The following TDRD12 variants were observed in gnomAD, a reference collection of about 807,000 sequenced individuals.
The protein encoded by TDRD12 is tudor domain containing 12.
TDRD12 carries 158 observed loss-of-function variants against 133.5 expected under a neutral mutation model. The ratio of observed to expected loss-of-function variants is 1.18; its 90% CI spans 1.04 to 1.35. The LOEUF (loss-of-function observed/expected upper bound fraction) is 1.35. Ranked by LOEUF, TDRD12 falls within the 40% of genes most tolerant of loss-of-function variation. The probability of loss-of-function intolerance (pLI) is 0.00; values close to 1 mark genes in which losing one functional copy is unlikely to be tolerated. For synonymous variants in TDRD12, 460 were observed against 477.9 expected (o/e 0.96, Z 0.49); for missense variants, 1,443 against 1,321.3 (o/e 1.09, Z -1.43).
chr19:32,721,780 T>C (rs1968686512), intron 1 of TDRD12, among the ~76,000 whole-genome samples: 1 of 150,960 alleles, frequency 6.6e-6, no homozygotes, highest in Admixed American at 6.6e-5. Context: ...CGATCTCAGC[T>C]CGCTGCAAGC....
At chr19:32,729,557 A>G (rs1335314344) in intron 1 of TDRD12, among the ~76,000 whole-genome samples, 1 of 151,178 alleles carries the variant, frequency 6.6e-6, no homozygotes, top group Admixed American at 6.6e-5. Context: ...CGTTTTCCAC[A>G]GCTTGTGTGT....
exon 2 of TDRD12, chr19:32,731,733 T>A: frequency 6.5e-7 from 1 of 1,535,586 alleles, no homozygotes; most frequent in Non-Finnish European, 8.8e-7. Context: ...AGATTGAAGA[T>A]CCAGGTTGCT....
intron 24 of TDRD12, among the ~76,000 whole-genome samples, chr19:32,812,848 A>G (rs12980801): frequency 0.17 from 25,501 of 152,130 alleles, 2,175 homozygotes; most frequent in East Asian, 0.28. Flanking sequence ...TTGCTTAGAC[A>G]GGTCCTGCCT....
intron 2 of TDRD12, among the ~76,000 whole-genome samples, chr19:32,733,179 AT>A (rs1456014062): frequency 6.6e-6 from 1 of 152,090 alleles, no homozygotes; most frequent in Non-Finnish European, 1.5e-5. Context: ...CTTAAAAAAA[AT>A]ATGCGTAGCC....
At chr19:32,818,755 G>A (rs1165760489) in intron 27 of TDRD12, among the ~76,000 whole-genome samples, 3 of 152,172 alleles carry the variant, frequency 2.0e-5, no homozygotes, top group African/African-American at 7.2e-5. Flanking sequence ...GTAGCCAGCA[G>A]GTGGAGGGAA....
At chr19:32,774,153 C>T (rs1360305667) in intron 10 of TDRD12, among the ~76,000 whole-genome samples, 1 of 152,196 alleles carries the variant, frequency 6.6e-6, no homozygotes, top group Non-Finnish European at 1.5e-5. Context: ...AATGTTGTAC[C>T]ACTTCTTGAA....
chr19:32,746,094 G>A (rs1357291539), intron 4 of TDRD12, among the ~76,000 whole-genome samples: 1 of 150,786 alleles, frequency 6.6e-6, no homozygotes, highest in African/African-American at 2.4e-5. Context: ...GTGACAGAGG[G>A]GGAGAGAGAC....
chr19:32,769,750 C>T (rs6510286), intron 8 of TDRD12, among the ~76,000 whole-genome samples: 6,401 of 152,130 alleles, frequency 0.042, 420 homozygotes, highest in African/African-American at 0.14. Flanking sequence ...GATTCTCCTG[C>T]CTCAGCCTCC....
rs1179399913 is a variant in TDRD12, at chr19:32,739,048, A to G, written c.320+56A>G. ...TTTTCAGAGACAAATGTCAGTTTCA[A>G]AGGAGAACGTCCATTTTAAAGTACG... On this transcript the variant is annotated intron_variant, in intron 3 of 27. Transcript: ENST00000444215. 1.2e-5 allele frequency: 18 copies of G among 1,541,174 alleles called. No individual in the cohort carries two copies. In the African/African-American group the frequency reaches 1.4e-4, roughly 12 times the overall value.
chr19:32,789,579 C>A (rs1971008725), intron 11 of TDRD12, among the ~76,000 whole-genome samples: 1 of 152,176 alleles, frequency 6.6e-6, no homozygotes. Context: ...CTCATCTCTG[C>A]CATATCATAA....
chr19:32,733,745 C>T (rs1304895782), intron 2 of TDRD12, among the ~76,000 whole-genome samples: 5 of 151,998 alleles, frequency 3.3e-5, no homozygotes, highest in South Asian at 2.1e-4. Context: ...TTCAGGCACT[C>T]GATGTGGGGT....
intron 11 of TDRD12, among the ~76,000 whole-genome samples, chr19:32,786,895 G>A (rs1248988321): frequency 6.6e-6 from 1 of 152,130 alleles, no homozygotes; most frequent in Non-Finnish European, 1.5e-5. Context: ...AGAGAAGTTT[G>A]TTATTACTGA....
chr19:32,800,461 T>G (rs1170389983), intron 17 of TDRD12, 103 bp downstream of exon 17: 29 of 1,029,988 alleles, frequency 2.8e-5, no homozygotes, highest in Non-Finnish European at 3.5e-5. Context: ...TGGCTTAGTA[T>G]TAAACAATTA....
At chr19:32,756,515 G>A (rs1426845911) in intron 7 of TDRD12, among the ~76,000 whole-genome samples, 1 of 151,978 alleles carries the variant, frequency 6.6e-6, no homozygotes, top group Non-Finnish European at 1.5e-5. Flanking sequence ...AGCCTCCCGA[G>A]TAGCTGGGAC....
rs560007157 is a variant in TDRD12, at chr19:32,752,593, G to T, written c.582+2724G>T. 4.3e-4 allele frequency among the ~76,000 whole-genome samples: 66 copies of T among 152,098 alleles called. No individual in the cohort carries two copies. In the South Asian group the frequency reaches 0.011, roughly 25 times the overall value. On this transcript the variant is annotated intron_variant, in intron 6 of 27. Transcript: ENST00000444215. Reference sequence around the variant, plus strand: ...GACTTTTGGAAATGTATTTTATTTGGGGAGTTATAATCTATAACTATCATT... The same window carrying T: ...GACTTTTGGAAATGTATTTTATTTGTGGAGTTATAATCTATAACTATCATT...
intron 1 of TDRD12, among the ~76,000 whole-genome samples, chr19:32,725,963 G>A (rs1187019447): frequency 2.6e-5 from 4 of 151,938 alleles, no homozygotes; most frequent in Admixed American, 1.3e-4. Context: ...TTGTAGCCTT[G>A]TAAAGTCAAT....
At chr19:32,791,407 C>T (rs543722533) in intron 13 of TDRD12, among the ~76,000 whole-genome samples, 18 of 152,116 alleles carry the variant, frequency 1.2e-4, no homozygotes, top group Middle Eastern at 3.4e-3. Context: ...ACTCCCCGAC[C>T]GTTCTTTTCA....
intron 8 of TDRD12, 118 bp downstream of exon 8, chr19:32,757,248 T>A: frequency 2.5e-6 from 2 of 807,534 alleles, no homozygotes; most frequent in Non-Finnish European, 2.0e-6. Context: ...TTTCTTAATT[T>A]AATGTAACCA....
At chr19:32,784,771 A>G (rs1281219903) in intron 11 of TDRD12, among the ~76,000 whole-genome samples, 1 of 152,076 alleles carries the variant, frequency 6.6e-6, no homozygotes, top group African/African-American at 2.4e-5. Context: ...GTTTATTTGC[A>G]TAGGTGTTTA....
Sources: gnomAD v4.1 joint callset for allele counts (sites outside exome capture counted in the v4.1 genomes callset) on GRCh38, gnomAD v4.1.1 for gene constraint, MANE v1.5 for transcripts, NCBI Gene and HGNC (gene_info 2026-07-23, HGNC 2026-07-21) for gene names.